EBI3: variants seen among roughly 807,000 people sequenced by gnomAD.
The protein encoded by EBI3 is Epstein-Barr virus induced 3, also known as interleukin-27 subunit beta.
Under a neutral mutation model 21.3 loss-of-function variants are expected in EBI3, and 19 were observed. The observed-to-expected ratio is 0.89, with a 90% CI of 0.62 to 1.31. The LOEUF is 1.31. Among genes scored for constraint, EBI3 ranks in the 50% most tolerant of loss-of-function variants. The probability of loss-of-function intolerance (pLI) is 0.00; values close to 1 mark genes in which losing one functional copy is unlikely to be tolerated. For missense variants in EBI3, 331 were observed against 314.0 expected, an observed-to-expected ratio of 1.05 and a Z score of -0.41; for synonymous variants, 154 against 131.2, an observed-to-expected ratio of 1.17 and a Z score of -1.19.
chr19:4,232,350 GGT>G (rs1970793034), intron 2 of EBI3, among the ~76,000 whole-genome samples: 1 of 151,936 alleles, frequency 6.6e-6, no homozygotes, highest in African/African-American at 2.4e-5. Context: ...TGGAGGCTGA[GGT>G]GGGAGGATCA....
In EBI3 at chr19:4,234,752, G is replaced by A. The variant is rs1179412733; in HGVS notation, c.465G>A (p.Trp155Ter). 6.2e-7 allele frequency: 1 copy of A among 1,614,110 alleles called. No individual in the cohort carries two copies. The highest frequency in any genetic ancestry group is 1.7e-5 in the Admixed American group (1 of 59,994). The change falls in exon 4 of 5, where the codon TGG becomes TGA. Residue 155 changes from tryptophan to a stop codon, truncating the protein, a stop_gained. Coordinates refer to ENST00000221847, the MANE Select transcript of EBI3 (RefSeq NM_005755.3). LOFTEE classifies it high-confidence loss of function. ...TGCAGTGGGAGCCTCCCGGGTCCTG[G>A]CCCTTCCCAGAGATCTTCTCACTGA... ...LQVQWEPPGS[W>*]PFPEIFSLKY...
At chr19:4,232,791 G>T (rs9807924) in intron 2 of EBI3, among the ~76,000 whole-genome samples, 13 of 60,044 alleles carry the variant, frequency 2.2e-4, no homozygotes, top group Admixed American at 1.7e-3. Context: ...AATGAATGAA[G>T]GAATGAATTA....
intron 3 of EBI3, among the ~76,000 whole-genome samples, chr19:4,234,423 G>A (rs1282730324): frequency 2.0e-5 from 3 of 151,910 alleles, no homozygotes; most frequent in Non-Finnish European, 4.4e-5. Context: ...AATATTTGTT[G>A]GTTGAGCCAG....
chr19:4,233,032 C>A, intron 2 of EBI3, 97 bp from the exon 3 acceptor site: 2 of 1,358,854 alleles, frequency 1.5e-6, no homozygotes, highest in Non-Finnish European at 1.9e-6. Flanking sequence ...CCCTCCTGTT[C>A]CTGCCTCTCC....
chr19:4,230,962 C>T (rs909474563), intron 1 of EBI3, among the ~76,000 whole-genome samples: 11 of 152,098 alleles, frequency 7.2e-5, no homozygotes. Flanking sequence ...GCTTAAACCT[C>T]AGCTTCCCTA....
rs759204406 is a variant in EBI3, at chr19:4,231,319, T to C, written c.196T>C (p.Tyr66His). ...STSPVSFIAT[Y>H]RLGMAARGHS... is the part of the protein sequence containing the mutation. ...CAGCCCCGTGTCCTTCATTGCCACG[T>C]ACAGGTCGGAGAGCCTGGAAGGGGG... The change falls in exon 2 of 5, where the codon TAC becomes CAC. Residue 66 changes from tyrosine (Y) to histidine (H), a missense_variant. Physicochemically the swap from Tyr to His is moderately conservative, Grantham distance 83. Coordinates refer to ENST00000221847, the MANE Select transcript of EBI3 (RefSeq NM_005755.3). The C allele has an allele frequency of 2.5e-6, 4 of 1,608,542 alleles. No individual in the cohort carries two copies. In the South Asian group the frequency reaches 4.4e-5, roughly 18 times the overall value.
intron 4 of EBI3, among the ~76,000 whole-genome samples, chr19:4,235,415 G>A (rs921665999): frequency 6.6e-6 from 1 of 151,574 alleles, no homozygotes; most frequent in Non-Finnish European, 1.5e-5. Flanking sequence ...CGCCTCCCAG[G>A]TTCAAGTGAT....
intron 2 of EBI3, among the ~76,000 whole-genome samples, chr19:4,231,781 A>C (rs929682459): frequency 3.3e-5 from 5 of 150,874 alleles, no homozygotes; most frequent in African/African-American, 1.2e-4. Flanking sequence ...AAAAAAAAAA[A>C]AAAAAAACTA....
At chr19:4,234,201 A>G (rs1030808003) in intron 3 of EBI3, among the ~76,000 whole-genome samples, 1 of 151,640 alleles carries the variant, frequency 6.6e-6, no homozygotes, top group Admixed American at 6.6e-5. Context: ...GCGAGACTCT[A>G]TCTCAAAAAA....
At position 4,236,956 on chromosome 19, in the gene EBI3, G is replaced by C; in HGVS notation, c.558G>C (p.Thr186=). The change falls in exon 5 of 5, where the codon ACG becomes ACC. Residue 186 remains threonine, a synonymous_variant. Transcript: ENST00000221847. ...CTCAGGTGGGGCCCATTGAAGCCAC[G>C]TCCTTCATCCTCAGGGCTGTGCGGC... ...RFHRVGPIEA[T]SFILRAVRPR... 2 of 1,509,590 alleles carry C rather than the reference G, an allele frequency of 1.3e-6. No homozygotes were observed. The highest frequency in any genetic ancestry group is 1.8e-6 in the Non-Finnish European group (2 of 1,125,140). 93.5% of individuals were successfully genotyped at this position (1,509,590 alleles called of 1,614,324 possible).
In EBI3 at chr19:4,234,675, G is replaced by A. The variant is rs762863498; in HGVS notation, c.388G>A (p.Asp130Asn). The change falls in exon 4 of 5, where the codon GAC becomes AAC. Residue 130 changes from aspartate (D) to asparagine (N), a missense_variant. Coordinates refer to ENST00000221847, the MANE Select transcript of EBI3 (RefSeq NM_005755.3). Reference protein sequence around the residue: ...PFITEHIIKPDPPEGVRLSPL... With the variant: ...PFITEHIIKPNPPEGVRLSPL... ...TCCTGCTTGTCCGTCAGTCAAGCCC[G>A]ACCCTCCAGAAGGCGTGCGCCTAAG... 9.9e-6 allele frequency: 16 copies of A among 1,612,706 alleles called. No individual in the cohort carries two copies. Among genetic ancestry groups the A allele is most frequent in the Admixed American group, 5.0e-5 (3 of 59,838 alleles).
intron 3 of EBI3, among the ~76,000 whole-genome samples, chr19:4,233,861 G>C (rs1283913177): frequency 6.6e-6 from 1 of 152,104 alleles, no homozygotes; most frequent in Non-Finnish European, 1.5e-5. Context: ...TCGGGTCTCT[G>C]TGCATACATC....
intron 4 of EBI3, among the ~76,000 whole-genome samples, chr19:4,235,088 G>A (rs964172744): frequency 3.3e-5 from 5 of 152,100 alleles, no homozygotes; most frequent in African/African-American, 7.2e-5. Context: ...ACACAATCTC[G>A]GCTCACTGCA....
At chr19:4,232,386 A>T (rs1029841828) in intron 2 of EBI3, among the ~76,000 whole-genome samples, 5 of 151,918 alleles carry the variant, frequency 3.3e-5, no homozygotes. Flanking sequence ...GTTTGAGACC[A>T]GCCTGGGCAA....
At chr19:4,236,050 A>G (rs1970834005) in intron 4 of EBI3, among the ~76,000 whole-genome samples, 1 of 152,042 alleles carries the variant, frequency 6.6e-6, no homozygotes, top group African/African-American at 2.4e-5. Context: ...GTGAAACCCC[A>G]TCTCTATTAA....
At position 4,237,032 on chromosome 19, in the gene EBI3, G is replaced by A. The variant is rs537618420; in HGVS notation, c.634G>A (p.Gly212Arg). ...GGCGGCTCAGGACCTCACAGACTAC[G>A]GGGAACTGAGTGACTGGAGTCTCCC... ...QVAAQDLTDY[G>R]ELSDWSLPAT... Residue 212 changes from glycine (G) to arginine (R), a missense_variant, in exon 5 of 5, where the codon GGG becomes AGG. Coordinates refer to ENST00000221847, the MANE Select transcript of EBI3 (RefSeq NM_005755.3). 3.0e-5 allele frequency: 47 copies of A among 1,575,608 alleles called. No individual in the cohort carries two copies. Among genetic ancestry groups the A allele is most frequent in the African/African-American group, 4.1e-5 (3 of 72,758 alleles).
Position 4,233,313 on chromosome 19 carries a change from T to TG in EBI3, c.379+11dup. 6 of 553,398 alleles carry TG rather than the reference T, an allele frequency of 1.1e-5. No individual in the cohort carries two copies. Among genetic ancestry groups the TG allele is most frequent in the Non-Finnish European group, 2.0e-5 (6 of 306,188 alleles). 34.3% of individuals were successfully genotyped at this position (553,398 alleles called of 1,614,324 possible). The stretch of plus-strand genomic sequence containing the variant: ...TTTCATAACAGAGCACATCAGTGAG[T>TG]GGGGGCGGCAGTGGGGGCGGGGGCG... On this transcript the variant is annotated splice_region_variant and intron_variant, in intron 3 of 4. Coordinates refer to ENST00000221847, the MANE Select transcript of EBI3 (RefSeq NM_005755.3).
rs141577773 is a variant in EBI3 at position 4,236,211 on chromosome 19, G to A, written c.538-725G>A. On this transcript the variant is annotated intron_variant, in intron 4 of 4. Coordinates refer to ENST00000221847, the MANE Select transcript of EBI3 (RefSeq NM_005755.3). Reference sequence around the variant, plus strand: ...TCTACTAAAAATACAAAAATTAGCCGGGTGTGGTGGCGGGCGCCTGTAATC... The same window carrying A: ...TCTACTAAAAATACAAAAATTAGCCAGGTGTGGTGGCGGGCGCCTGTAATC... Among the ~76,000 whole-genome samples, 850 of 151,988 alleles carry A rather than the reference G, an allele frequency of 5.6e-3. 7 individuals are homozygous for A. Among genetic ancestry groups the A allele is most frequent in the African/African-American group, 0.019 (801 of 41,456 alleles).
At chr19:4,232,043 G>A (rs1458990150) in intron 2 of EBI3, among the ~76,000 whole-genome samples, 4 of 151,370 alleles carry the variant, frequency 2.6e-5, no homozygotes, top group East Asian at 3.9e-4. Flanking sequence ...TGGCGAACAC[G>A]GTGAAACCCT....
Sources: gnomAD v4.1 joint callset for allele counts (sites outside exome capture counted in the v4.1 genomes callset) on GRCh38, gnomAD v4.1.1 for gene constraint, MANE v1.5 for transcripts, NCBI Gene and HGNC (gene_info 2026-07-23, HGNC 2026-07-21) for gene names.